Variants in PTPRD observed in about 807,000 individuals in gnomAD.
PTPRD encodes receptor-type tyrosine-protein phosphatase delta.
In PTPRD, 34 loss-of-function variants were observed where a neutral mutation model predicts 214.5. The observed-to-expected ratio is 0.16, with a 90% CI of 0.12 to 0.21. The LOEUF (loss-of-function observed/expected upper bound fraction) is 0.21. Among genes scored for constraint, PTPRD ranks in the 10% least tolerant of loss-of-function variants. The pLI is 1.00. For synonymous variants in PTPRD, 1,128 were observed against 845.7 expected (o/e 1.33, Z -5.79); for missense variants, 2,545 against 2,398.7 (o/e 1.06, Z -1.27).
At chr9:10,132,511 C>T (rs2098901456) in intron 3 of PTPRD, among the ~76,000 whole-genome samples, 1 of 151,760 alleles carries the variant, frequency 6.6e-6, no homozygotes, top group African/African-American at 2.4e-5. Flanking sequence ...TTAATAGATA[C>T]AGAATGCTTC....
chr9:9,804,876 T>C (rs1421701452), intron 5 of PTPRD, among the ~76,000 whole-genome samples: 1 of 151,706 alleles, frequency 6.6e-6, no homozygotes. Context: ...ATTTACTTGA[T>C]AGAAGAAATT....
intron 2 of PTPRD, among the ~76,000 whole-genome samples, chr9:10,430,628 A>G (rs552790550): frequency 6.6e-6 from 1 of 152,050 alleles, no homozygotes; most frequent in South Asian, 2.1e-4. Context: ...ATACAACAAC[A>G]AATACCTCCG....
At chr9:9,039,591 AG>A (rs1281775434) in intron 10 of PTPRD, among the ~76,000 whole-genome samples, 13 of 152,156 alleles carry the variant, frequency 8.5e-5, no homozygotes, top group Admixed American at 8.5e-4. Context: ...GATCAGACAC[AG>A]TTGTAATAGA....
intron 3 of PTPRD, among the ~76,000 whole-genome samples, chr9:10,044,454 T>A (rs969734753): frequency 3.8e-4 from 58 of 151,772 alleles, no homozygotes; most frequent in African/African-American, 1.4e-3. Context: ...ATAGTTATAT[T>A]TCTTCATAAA....
intron 5 of PTPRD, among the ~76,000 whole-genome samples, chr9:9,899,763 A>C (rs193040617): frequency 4.6e-5 from 7 of 152,280 alleles, no homozygotes; most frequent in Admixed American, 3.9e-4. Flanking sequence ...TTTTGGTTAC[A>C]GCACTATTTA....
chr9:8,353,129 GA>G (rs1298940563), intron 39 of PTPRD, among the ~76,000 whole-genome samples: 1 of 152,018 alleles, frequency 6.6e-6, no homozygotes, highest in Non-Finnish European at 1.5e-5. Flanking sequence ...ATAAATAAAA[GA>G]AAAAGGCTAT....
intron 11 of PTPRD, among the ~76,000 whole-genome samples, chr9:8,990,404 G>A (rs2099361780): frequency 6.6e-6 from 1 of 152,088 alleles, no homozygotes; most frequent in Non-Finnish European, 1.5e-5. Context: ...CAGAGAGCAG[G>A]GACTGAACTT....
intron 10 of PTPRD, among the ~76,000 whole-genome samples, chr9:9,104,512 C>G (rs146383361): frequency 1.7e-3 from 253 of 152,212 alleles, no homozygotes; most frequent in African/African-American, 5.8e-3. Context: ...TAATGGTAAT[C>G]AAATTTGCAA....
rs1830022219 is a variant in PTPRD at position 8,323,045 on chromosome 9, C to T, written c.5535-3079G>A. Among the ~76,000 whole-genome samples, 4 of 152,146 alleles carry T rather than the reference C, an allele frequency of 2.6e-5. No individual in the cohort carries two copies. In the South Asian group the frequency reaches 6.2e-4, roughly 24 times the overall value. On this transcript the variant is annotated intron_variant, in intron 44 of 45. Coordinates refer to ENST00000381196, the MANE Select transcript of PTPRD (RefSeq NM_002839.4). ...TTAGTAAGGAAGGCACGTTGAACATCAAGACAGGCTGAAAGCTCGACCTCT... is the reference window on the plus strand; with the variant it reads ...TTAGTAAGGAAGGCACGTTGAACATTAAGACAGGCTGAAAGCTCGACCTCT...
intron 11 of PTPRD, among the ~76,000 whole-genome samples, chr9:8,831,426 T>C (rs966368426): frequency 5.3e-5 from 8 of 152,162 alleles, no homozygotes; most frequent in African/African-American, 1.7e-4. Flanking sequence ...GGACTACACA[T>C]TATACAGTCT....
chr9:10,255,161 T>C (rs1427242633), intron 3 of PTPRD, among the ~76,000 whole-genome samples: 1 of 152,196 alleles, frequency 6.6e-6, no homozygotes, highest in Non-Finnish European at 1.5e-5. Flanking sequence ...CTCTTTCACA[T>C]GAGGTGATTT....
intron 7 of PTPRD, among the ~76,000 whole-genome samples, chr9:9,710,821 G>A (rs2097712011): frequency 6.6e-6 from 1 of 151,982 alleles, no homozygotes; most frequent in Non-Finnish European, 1.5e-5. Context: ...CTAGAATAAT[G>A]TTATTTCATT....
intron 7 of PTPRD, among the ~76,000 whole-genome samples, chr9:9,677,145 G>T (rs2096949833): frequency 6.6e-6 from 1 of 152,062 alleles, no homozygotes; most frequent in African/African-American, 2.4e-5. Context: ...GATCCCATTT[G>T]TCAATTTTGG....
intron 2 of PTPRD, among the ~76,000 whole-genome samples, chr9:10,560,449 C>A (rs747891334): frequency 2.0e-4 from 31 of 152,014 alleles, no homozygotes; most frequent in Non-Finnish European, 3.5e-4. Flanking sequence ...GGGAGATATA[C>A]CTAATGCTAG....
At chr9:9,788,551 CAAA>C (rs371559861) in intron 5 of PTPRD, among the ~76,000 whole-genome samples, 2 of 117,466 alleles carry the variant, frequency 1.7e-5, no homozygotes, top group Non-Finnish European at 1.7e-5. Flanking sequence ...AGCTCCGTCT[CAAA>C]AAAAAAAAAA....
intron 6 of PTPRD, among the ~76,000 whole-genome samples, chr9:9,751,703 C>G (rs542115824): frequency 7.9e-5 from 12 of 152,140 alleles, no homozygotes; most frequent in African/African-American, 2.9e-4. Flanking sequence ...GATATATCTA[C>G]TAGTCAAGGA....
chr9:10,308,367 G>T (rs1485797659), intron 3 of PTPRD, among the ~76,000 whole-genome samples: 2 of 151,818 alleles, frequency 1.3e-5, no homozygotes, highest in African/African-American at 2.4e-5. Flanking sequence ...AAAATATTTG[G>T]CTATAAATAC....
chr9:10,110,303 G>A (rs1237796092), intron 3 of PTPRD, among the ~76,000 whole-genome samples: 2 of 152,160 alleles, frequency 1.3e-5, no homozygotes. Flanking sequence ...TCCCTGTGAA[G>A]TTGTTATTAT....
At chr9:9,074,062 T>G (rs1462726922) in intron 10 of PTPRD, among the ~76,000 whole-genome samples, 1 of 152,062 alleles carries the variant, frequency 6.6e-6, no homozygotes, top group Non-Finnish European at 1.5e-5. Context: ...ATAGAAGCTG[T>G]TTTGTTATCC....
Sources: gnomAD v4.1 joint callset for allele counts (sites outside exome capture counted in the v4.1 genomes callset) on GRCh38, gnomAD v4.1.1 for gene constraint, MANE v1.5 for transcripts, NCBI Gene and HGNC (gene_info 2026-07-23, HGNC 2026-07-21) for gene names.